Variants in ISOC1 observed in about 807,000 individuals in gnomAD.
ISOC1 encodes the protein isochorismatase domain-containing protein 1.
Under a neutral mutation model 30.0 loss-of-function variants are expected in ISOC1, and 33 were observed. The ratio of observed to expected loss-of-function variants is 1.10; its 90% CI spans 0.83 to 1.47. The LOEUF (loss-of-function observed/expected upper bound fraction) is 1.47, where lower values mean the gene tolerates loss of function less well. ISOC1 is among the 40% of genes most tolerant of loss of function. ISOC1 has a pLI of 0.00. For synonymous variants in ISOC1, 178 were observed against 159.8 expected, an observed-to-expected ratio of 1.11 and a Z score of -0.86; for missense variants, 372 against 388.0, an observed-to-expected ratio of 0.96 and a Z score of 0.35.
At chr5:129,096,612 A>G (rs111475692) in intron 1 of ISOC1, among the ~76,000 whole-genome samples, 8 of 152,294 alleles carry the variant, frequency 5.3e-5, no homozygotes, top group African/African-American at 1.4e-4. Context: ...TATGTCTTCA[A>G]GCGTTTTCGT....
intron 1 of ISOC1, among the ~76,000 whole-genome samples, chr5:129,098,131 G>A (rs1276095529): frequency 2.6e-5 from 4 of 152,100 alleles, no homozygotes; most frequent in Non-Finnish European, 4.4e-5. Context: ...AGTTGCCTTC[G>A]TGCTTATTCT....
intron 1 of ISOC1, among the ~76,000 whole-genome samples, chr5:129,102,609 T>C (rs917276758): frequency 6.6e-6 from 1 of 152,256 alleles, no homozygotes; most frequent in Non-Finnish European, 1.5e-5. Flanking sequence ...TTCTGAAATA[T>C]ATAATTTAAC....
At chr5:129,109,505 A>G (rs542107570) in intron 4 of ISOC1, among the ~76,000 whole-genome samples, 2 of 152,298 alleles carry the variant, frequency 1.3e-5, no homozygotes, top group South Asian at 4.1e-4. Context: ...TATAACCTCT[A>G]AGACCCAGAA....
intron 4 of ISOC1, 57 bp from the exon 5 acceptor site, chr5:129,112,798 G>A (rs1258533262): frequency 1.9e-6 from 3 of 1,574,150 alleles, no homozygotes; most frequent in East Asian, 4.5e-5. Flanking sequence ...TTACTCTTCT[G>A]AAATAGTGTT....
In ISOC1 at chr5:129,103,849, G is replaced by C. The variant is rs577616566; in HGVS notation, c.310-1107G>C. 1.5e-4 allele frequency among the ~76,000 whole-genome samples: 23 copies of C among 152,258 alleles called. 1 individual carries two copies. The highest frequency in any genetic ancestry group is 1.2e-3 in the South Asian group (6 of 4,820). On this transcript the variant is annotated intron_variant, in intron 1 of 4. Transcript: ENST00000173527. ...ATTAGAGGGATGATTTAAGGGAGCG[G>C]CTAGTAAGGGTATTGATAATGGTTC...
At chr5:129,106,319 A>G (rs1207914611) in intron 3 of ISOC1, among the ~76,000 whole-genome samples, 2 of 152,348 alleles carry the variant, frequency 1.3e-5, no homozygotes, top group African/African-American at 4.8e-5. Context: ...ATTGGTTGTA[A>G]TACATGATTC....
At position 129,113,930 on chromosome 5, in the gene ISOC1, ATT is replaced by A. The variant is rs1412284642; in HGVS notation, c.*931_*932del. 6.6e-6 allele frequency: 1 copy of A among 152,164 alleles called. No individual in the cohort carries two copies. Among genetic ancestry groups the A allele is most frequent in the African/African-American group, 2.4e-5 (1 of 41,438 alleles). 9.4% of individuals were successfully genotyped at this position (152,164 alleles called of 1,614,324 possible). ...TGTGGTCATTGTTTCTCTTCGATAAATTTATTTTCATTAAATACTTGTTAGAG... is the reference window on the plus strand; with the variant it reads ...TGTGGTCATTGTTTCTCTTCGATAAATATTTTCATTAAATACTTGTTAGAG... On this transcript the variant is annotated 3_prime_UTR_variant, in exon 5 of 5. Transcript: ENST00000173527.
At chr5:129,098,417 C>T (rs550597278) in intron 1 of ISOC1, among the ~76,000 whole-genome samples, 28 of 152,002 alleles carry the variant, frequency 1.8e-4, no homozygotes, top group Non-Finnish European at 3.1e-4. Context: ...TTTTGAGACA[C>T]GGGAAAGAAT....
rs1288380574 is a variant in ISOC1, at chr5:129,114,002, C to T, written c.*1001C>T. 2 of 152,074 alleles carry T rather than the reference C, an allele frequency of 1.3e-5. No individual in the cohort carries two copies. Among genetic ancestry groups the T allele is most frequent in the Non-Finnish European group, 2.9e-5 (2 of 68,002 alleles). The allele number at this position is 152,074 out of a possible 1,614,324, so 9.4% of individuals were successfully genotyped here. On this transcript the variant is annotated 3_prime_UTR_variant, in exon 5 of 5. Transcript: ENST00000173527. ...AATATGTGAAATGTGAAACTGCTGTCTTTTATATTAAAGTAATTAAAGAAA... is the reference window on the plus strand; with the variant it reads ...AATATGTGAAATGTGAAACTGCTGTTTTTTATATTAAAGTAATTAAAGAAA...
In ISOC1 at chr5:129,094,950, A is replaced by C. The variant is rs367828954; in HGVS notation, c.184A>C (p.Ile62Leu). The stretch of plus-strand genomic sequence containing the variant: ...GTTCCTCAGCCTGTACGGCGACCAG[A>C]TCGACATGCACCGCAAATTCGTGGT... ...QKFLSLYGDQ[I>L]DMHRKFVVQL... Residue 62 changes from isoleucine to leucine, a missense_variant, in exon 1 of 5, where the codon ATC (isoleucine) becomes CTC (leucine). Ile to Leu is a conservative substitution (Grantham distance 5). Transcript: ENST00000173527. The C allele has an allele frequency of 1.2e-6, 2 of 1,612,146 alleles. No individual in the cohort carries two copies. Among genetic ancestry groups the C allele is most frequent in the African/African-American group, 2.7e-5 (2 of 74,916 alleles).
intron 4 of ISOC1, among the ~76,000 whole-genome samples, chr5:129,108,783 A>T (rs1398668646): frequency 6.6e-6 from 1 of 152,196 alleles, no homozygotes; most frequent in African/African-American, 2.4e-5. Context: ...AGGTGCTGGG[A>T]TTACAGGTGT....
chr5:129,104,844 T>C, intron 1 of ISOC1, 112 bp from the exon 2 acceptor site: 12 of 1,033,260 alleles, frequency 1.2e-5, no homozygotes, highest in Non-Finnish European at 1.5e-5. Flanking sequence ...GCGGTAGAAA[T>C]TGACTTACTG....
intron 4 of ISOC1, among the ~76,000 whole-genome samples, chr5:129,107,354 A>C (rs1242316114): frequency 6.6e-6 from 1 of 152,154 alleles, no homozygotes; most frequent in African/African-American, 2.4e-5. Context: ...AGATATTCCA[A>C]GAAGCCTAAC....
intron 4 of ISOC1, among the ~76,000 whole-genome samples, chr5:129,107,489 A>C (rs556701895): frequency 6.6e-6 from 1 of 152,314 alleles, no homozygotes. Context: ...ATCCACAGAT[A>C]GAAAATATCA....
At chr5:129,097,201 TA>T (rs1356144167) in intron 1 of ISOC1, among the ~76,000 whole-genome samples, 1 of 152,200 alleles carries the variant, frequency 6.6e-6, no homozygotes, top group African/African-American at 2.4e-5. Context: ...TTTAATTCTT[TA>T]AAAATATTTT....
At chr5:129,111,568 A>G (rs1453540614) in intron 4 of ISOC1, among the ~76,000 whole-genome samples, 2 of 150,132 alleles carry the variant, frequency 1.3e-5, no homozygotes, top group Non-Finnish European at 3.0e-5. Flanking sequence ...GTTTCCAACC[A>G]CTTCCTCTTT....
At position 129,094,819 on chromosome 5, in the gene ISOC1, G is replaced by A; in HGVS notation, c.53G>A (p.Gly18Asp). ...GCGCTCCCCAACAGCGGCGCCGGGGGCGCGGGGGCGCCGTCGGGCACAGTC... is the reference window on the plus strand; with the variant it reads ...GCGCTCCCCAACAGCGGCGCCGGGGACGCGGGGGCGCCGTCGGGCACAGTC... The part of the protein sequence containing the change: ...VLALPNSGAG[G>D]AGAPSGTVPV... Residue 18 changes from glycine to aspartate, a missense_variant, in exon 1 of 5, where the codon GGC (glycine) becomes GAC (aspartate). Gly to Asp is a moderately conservative substitution (Grantham distance 94). Coordinates refer to ENST00000173527, the MANE Select transcript of ISOC1 (RefSeq NM_016048.2). The A allele has an allele frequency of 1.9e-6, 3 of 1,540,548 alleles. No individual in the cohort carries two copies. In the East Asian group the frequency reaches 7.4e-5, roughly 38 times the overall value.
intron 4 of ISOC1, among the ~76,000 whole-genome samples, chr5:129,107,786 G>A (rs1165780487): frequency 6.6e-6 from 1 of 152,132 alleles, no homozygotes; most frequent in Non-Finnish European, 1.5e-5. Context: ...TAAGTGGTGT[G>A]TCATTGACTG....
intron 4 of ISOC1, among the ~76,000 whole-genome samples, chr5:129,108,732 G>C (rs541853283): frequency 6.6e-6 from 1 of 152,084 alleles, no homozygotes; most frequent in South Asian, 2.1e-4. Flanking sequence ...GGCTGGTCTC[G>C]AACTCCTGAC....
Sources: allele counts gnomAD v4.1 joint callset (sites outside exome capture counted in the v4.1 genomes callset), GRCh38; gene constraint gnomAD v4.1.1; transcripts MANE v1.5; gene names NCBI Gene and HGNC (gene_info 2026-07-23, HGNC 2026-07-21).